Variants in RYR2 observed in about 807,000 individuals in gnomAD.
RYR2 encodes ryanodine receptor 2.
Under a neutral mutation model 601.1 loss-of-function variants are expected in RYR2, and 227 were observed. The observed-to-expected ratio is 0.38, with a 90% CI of 0.34 to 0.42. The LOEUF is 0.42. Ranked by LOEUF, RYR2 falls within the 10% of genes least tolerant of loss-of-function variation. The probability of loss-of-function intolerance (pLI) is 1.00; values close to 1 mark genes in which losing one functional copy is unlikely to be tolerated. For missense variants in RYR2, 4,646 were observed against 6,156.5 expected (o/e 0.75, Z 8.21); for synonymous variants, 2,223 against 2,175.1 (o/e 1.02, Z -0.61).
At chr1:237,602,824 G>A (rs770653106) in intron 35 of RYR2, among the ~76,000 whole-genome samples, 1 of 152,148 alleles carries the variant, frequency 6.6e-6, no homozygotes, top group South Asian at 2.1e-4. Flanking sequence ...AGGGGATTGA[G>A]CATAATGAAA....
chr1:237,356,807 T>C (rs1295882304), intron 4 of RYR2, among the ~76,000 whole-genome samples: 3 of 152,238 alleles, frequency 2.0e-5, no homozygotes, highest in African/African-American at 7.2e-5. Context: ...AAGACTGATA[T>C]TCCTACTCCA....
At chr1:237,351,854 C>CAAAAAAA (rs33955032) in intron 3 of RYR2, among the ~76,000 whole-genome samples, 4 of 40,940 alleles carry the variant, frequency 9.8e-5, no homozygotes, top group Non-Finnish European at 1.9e-4. Context: ...AAAGACCATG[C>CAAAAAAA]AAAAAAAAAA....
At chr1:237,385,821 A>G (rs1263533833) in intron 8 of RYR2, among the ~76,000 whole-genome samples, 1 of 152,210 alleles carries the variant, frequency 6.6e-6, no homozygotes, top group Admixed American at 6.5e-5. Flanking sequence ...TGTTTACTGG[A>G]TAACATTGCC....
intron 67 of RYR2, among the ~76,000 whole-genome samples, chr1:237,705,720 A>G (rs1269725041): frequency 6.6e-6 from 1 of 152,172 alleles, no homozygotes; most frequent in Non-Finnish European, 1.5e-5. Flanking sequence ...TAATGTCCCC[A>G]CCAAGTTAGG....
At chr1:237,182,885 G>A (rs1678942482) in intron 1 of RYR2, among the ~76,000 whole-genome samples, 1 of 152,188 alleles carries the variant, frequency 6.6e-6, no homozygotes. Flanking sequence ...TAAATCCATT[G>A]AGACTCTATC....
At chr1:237,808,033 G>A (rs1052283125) in intron 99 of RYR2, among the ~76,000 whole-genome samples, 5 of 152,172 alleles carry the variant, frequency 3.3e-5, no homozygotes, top group Non-Finnish European at 2.9e-5. Context: ...AAAAATTAAA[G>A]TATAATTTGG....
rs1166723592 is a variant in RYR2, at chr1:237,771,417, A to AG, written c.11557+530_11557+531insG. ...CACAGCAAGATCCTGTCTCTCAATA[A>AG]AAAAAAAAAAGACAGAGGATTTATG... On this transcript the variant is annotated intron_variant, in intron 85 of 104. Coordinates refer to ENST00000366574, the MANE Select transcript of RYR2 (RefSeq NM_001035.3). 6.4e-5 allele frequency among the ~76,000 whole-genome samples: 8 copies of AG among 125,562 alleles called. No individual in the cohort carries two copies. The East Asian group carries it at 1.6e-3, about 25-fold the overall frequency. The allele number at this position is 125,562 out of a possible 152,430, so 82.4% of individuals were successfully genotyped here. A position where few individuals can be genotyped will look rare whatever the true frequency, so the allele number is the denominator to read the frequency against.
chr1:237,182,127 ATTT>A (rs758212745), intron 1 of RYR2, among the ~76,000 whole-genome samples: 1 of 151,262 alleles, frequency 6.6e-6, no homozygotes, highest in Non-Finnish European at 1.5e-5. Context: ...TTATTTATTT[ATTT>A]ATTTATTTTG....
intron 101 of RYR2, among the ~76,000 whole-genome samples, chr1:237,823,217 A>G (rs558630400): frequency 1.3e-5 from 2 of 152,328 alleles, no homozygotes; most frequent in South Asian, 4.1e-4. Flanking sequence ...CCCCAAATCA[A>G]CAGAATATAC....
chr1:237,737,985 G>A (rs1044770106), intron 79 of RYR2, among the ~76,000 whole-genome samples: 13 of 152,174 alleles, frequency 8.5e-5, no homozygotes, highest in East Asian at 7.7e-4. Flanking sequence ...ACTTCCTAGC[G>A]GGTAGTTTTT....
chr1:237,422,798 T>G (rs544377673), intron 11 of RYR2, among the ~76,000 whole-genome samples: 32 of 152,154 alleles, frequency 2.1e-4, no homozygotes, highest in Non-Finnish European at 4.3e-4. Context: ...CACAAGTTCT[T>G]TGTTATCTTT....
chr1:237,137,016 CAA>C (rs1167110660), intron 1 of RYR2, among the ~76,000 whole-genome samples: 74 of 41,174 alleles, frequency 1.8e-3, no homozygotes, highest in African/African-American at 5.2e-3. Flanking sequence ...GACTCCATCT[CAA>C]AAAAAAAAAA....
intron 8 of RYR2, among the ~76,000 whole-genome samples, chr1:237,379,173 T>C (rs1572052582): frequency 6.6e-6 from 1 of 152,248 alleles, no homozygotes; most frequent in Non-Finnish European, 1.5e-5. Context: ...ATATATAAAT[T>C]ATACACATAC....
intron 39 of RYR2, among the ~76,000 whole-genome samples, chr1:237,624,797 A>G (rs1559131856): frequency 2.0e-5 from 3 of 152,238 alleles, no homozygotes; most frequent in South Asian, 2.1e-4. Flanking sequence ...TGATGATTCA[A>G]TGAAAGAAAA....
chr1:237,065,564 C>T (rs769157407), intron 1 of RYR2, among the ~76,000 whole-genome samples: 3 of 152,048 alleles, frequency 2.0e-5, no homozygotes, highest in South Asian at 2.1e-4. Context: ...GGATTACAGG[C>T]GTGAGCCACC....
chr1:237,746,150 A>G (rs1258932673), intron 80 of RYR2, among the ~76,000 whole-genome samples: 1 of 152,190 alleles, frequency 6.6e-6, no homozygotes, highest in East Asian at 1.9e-4. Flanking sequence ...GTAATCTACC[A>G]TACTTTTACA....
intron 92 of RYR2, among the ~76,000 whole-genome samples, chr1:237,789,931 G>A (rs1226097452): frequency 6.6e-6 from 1 of 152,228 alleles, no homozygotes; most frequent in Non-Finnish European, 1.5e-5. Context: ...CAGTCTGGGT[G>A]TGGTGGACAG....
chr1:237,152,468 C>T (rs1030407917), intron 1 of RYR2, among the ~76,000 whole-genome samples: 41 of 152,156 alleles, frequency 2.7e-4, no homozygotes, highest in Admixed American at 1.5e-3. Flanking sequence ...ACATTCCCAC[C>T]AACAGTGTAA....
chr1:237,724,453 C>T (rs965872089), intron 74 of RYR2, among the ~76,000 whole-genome samples: 6 of 151,572 alleles, frequency 4.0e-5, no homozygotes, highest in African/African-American at 1.2e-4. Context: ...CTCCCCCAAA[C>T]GTTAATAATT....
Sources: gnomAD v4.1 joint callset for allele counts (sites outside exome capture counted in the v4.1 genomes callset) on GRCh38, gnomAD v4.1.1 for gene constraint, MANE v1.5 for transcripts, NCBI Gene and HGNC (gene_info 2026-07-23, HGNC 2026-07-21) for gene names.